The following DMPK variants were observed in gnomAD, a reference collection of about 807,000 sequenced individuals.
DMPK encodes myotonin-protein kinase.
A neutral mutation model predicts 70.3 loss-of-function variants in DMPK; 32 were observed. The observed-to-expected ratio is 0.46, with a 90% CI of 0.34 to 0.61. The LOEUF (loss-of-function observed/expected upper bound fraction) is 0.61. DMPK is among the 20% of genes least tolerant of loss of function. The pLI, the probability that DMPK is intolerant of heterozygous loss-of-function variation, is 0.01. For missense variants in DMPK, 899 were observed against 886.0 expected (o/e 1.01, Z -0.19); for synonymous variants, 469 against 390.9 (o/e 1.20, Z -2.36).
chr19:45,778,037 C>T (rs1969878734), intron 6 of DMPK, 90 bp downstream of exon 6: 5 of 1,295,752 alleles, frequency 3.9e-6, no homozygotes, highest in Admixed American at 4.0e-5. Context: ...CACCTCTTTT[C>T]CCCTCCAAAT....
intron 8 of DMPK, chr19:45,776,979 G>C (rs924125087): frequency 2.3e-5 from 6 of 255,826 alleles, no homozygotes; most frequent in Admixed American, 4.8e-5. Flanking sequence ...TAAGGGAGGA[G>C]GAGTCCTCTC....
chr19:45,779,593 CCCGCTTCTG>C (rs1970001659), intron 2 of DMPK, 71 bp from the exon 3 acceptor site: 1 of 1,594,346 alleles, frequency 6.3e-7, no homozygotes, highest in African/African-American at 1.3e-5. Flanking sequence ...CCCAACTCCA[CCCGCTTCTG>C]CACCCAGCCG....
At position 45,777,279 on chromosome 19, in the gene DMPK, G is replaced by A; in HGVS notation, c.1146+48C>T. 4 of 1,509,228 alleles carry A rather than the reference G, an allele frequency of 2.7e-6. No homozygotes were observed. The highest frequency in any genetic ancestry group is 2.7e-6 in the Non-Finnish European group (3 of 1,130,848). The allele number at this position is 1,509,228 out of a possible 1,614,324, so 93.5% of individuals were successfully genotyped here. A position where few individuals can be genotyped will look rare whatever the true frequency, so the allele number is the denominator to read the frequency against. On this transcript the variant is annotated intron_variant, in intron 8 of 14. Coordinates refer to ENST00000291270, the MANE Select transcript of DMPK (RefSeq NM_004409.5). The surrounding 1 kb of genome is among the most constrained non-coding windows in gnomAD (Gnocchi z 6.7). Reference sequence around the variant, plus strand: ...CTGTCCTTACTCCAACTTTATGGAGGGAGCATGGGGAGGTTCCCGCAGCCG... The same window carrying A: ...CTGTCCTTACTCCAACTTTATGGAGAGAGCATGGGGAGGTTCCCGCAGCCG...
rs756437038 is a variant in DMPK at position 45,777,338 on chromosome 19, T to A, written c.1135A>T (p.Ser379Cys). ...CCACAGGTACCTACCCCGCCCCCGC[T>A]CACCATGGCAGTGAGCCCGTCCTCC... is the stretch of plus-strand genomic sequence containing the variant. ...LVEDGLTAMVSGGGETLSDIR... is the reference protein window; with the variant it reads ...LVEDGLTAMVCGGGETLSDIR... Residue 379 changes from serine (S) to cysteine (C), a missense_variant, in exon 8 of 15, where the codon AGC becomes TGC. Coordinates refer to ENST00000291270, the MANE Select transcript of DMPK (RefSeq NM_004409.5). This position sits in a 1 kb window ranked among gnomAD's most constrained non-coding sequence, Gnocchi z 6.7. The A allele has an allele frequency of 6.3e-7, 1 of 1,577,460 alleles. No individual in the cohort carries two copies. Among genetic ancestry groups the A allele is most frequent in the South Asian group, 1.2e-5 (1 of 86,062 alleles).
rs182565629 is a variant in DMPK, at chr19:45,770,530, G to A, written c.1848C>T (p.Leu616=). ...CTCCTGGGCGGCGCCAGACTGCGGTGAGTTGGCCGGCGTGGGCCACCAACC... is the reference window on the plus strand; with the variant it reads ...CTCCTGGGCGGCGCCAGACTGCGGTAAGTTGGCCGGCGTGGGCCACCAACC... ...CIGLVAHAGQ[L]TAVWRRPGAA... Residue 616 remains leucine, a synonymous_variant, in exon 15 of 15, where the codon CTC becomes CTT. Coordinates refer to ENST00000291270, the MANE Select transcript of DMPK (RefSeq NM_004409.5). 5.6e-4 allele frequency: 864 copies of A among 1,550,658 alleles called. 6 individuals carry two copies. The African/African-American group carries it at 0.01, about 18-fold the overall frequency.
Position 45,779,421 on chromosome 19 carries a change from G to C in DMPK, c.336+18C>G, listed in dbSNP as rs529192626. On this transcript the variant is annotated intron_variant, in intron 3 of 14. Coordinates refer to ENST00000291270, the MANE Select transcript of DMPK (RefSeq NM_004409.5). Reference sequence around the variant, plus strand: ...GGCGCGGATCCTCAAAGCCCCCCACGTCCGCCCAGCCCCTCACCTCGCCCC... The same window carrying C: ...GGCGCGGATCCTCAAAGCCCCCCACCTCCGCCCAGCCCCTCACCTCGCCCC... The C allele has an allele frequency of 7.4e-6, 12 of 1,613,782 alleles. No individual in the cohort carries two copies. Among genetic ancestry groups the C allele is most frequent in the South Asian group, 1.1e-5 (1 of 91,078 alleles).
Position 45,769,879 on chromosome 19 carries a change from CAATA to C in DMPK, c.*605_*608del, listed in dbSNP as rs1379823541. 2 of 263,178 alleles carry C rather than the reference CAATA, an allele frequency of 7.6e-6. No individual in the cohort carries two copies. The highest frequency in any genetic ancestry group is 4.7e-5 in the African/African-American group (2 of 43,000). The allele number at this position is 263,178 out of a possible 1,614,324, so 16.3% of individuals were successfully genotyped here. A position where few individuals can be genotyped will look rare whatever the true frequency, so the allele number is the denominator to read the frequency against. On this transcript the variant is annotated 3_prime_UTR_variant, in exon 15 of 15. Coordinates refer to ENST00000291270, the MANE Select transcript of DMPK (RefSeq NM_004409.5). ...CTGTCAGCGAGTCGGAGGACGAGGT[CAATA>C]AATATCCAAACCGCCGAAGCGGGCG...
Position 45,770,968 on chromosome 19 carries a change from T to C in DMPK, c.1737+3A>G. ...GGAGGGGGGCGTGGGCAGCCGGACG[T>C]ACCCTGGCAGGGAGCAGCAGGTGGC... On this transcript the variant is annotated splice_donor_region_variant and intron_variant, in intron 14 of 14. Transcript: ENST00000291270. 7.0e-7 allele frequency: 1 copy of C among 1,423,252 alleles called. No individual in the cohort carries two copies. Among genetic ancestry groups the C allele is most frequent in the Non-Finnish European group, 9.1e-7 (1 of 1,093,866 alleles). 88.2% of individuals were successfully genotyped at this position (1,423,252 alleles called of 1,614,324 possible). A position where few individuals can be genotyped will look rare whatever the true frequency, so the allele number is the denominator to read the frequency against.
chr19:45,777,515 GA>G lies in DMPK; in HGVS notation c.957del (p.Pro321ArgfsTer58). 1.2e-6 allele frequency: 2 copies of G among 1,613,584 alleles called. No individual in the cohort carries two copies. Among genetic ancestry groups the G allele is most frequent in the Non-Finnish European group, 1.7e-6 (2 of 1,180,036 alleles). On this transcript the variant is annotated frameshift_variant, in exon 8 of 15. Coordinates refer to ENST00000291270, the MANE Select transcript of DMPK (RefSeq NM_004409.5). LOFTEE classifies it high-confidence loss of function. This position sits in a 1 kb window ranked among gnomAD's most constrained non-coding sequence, Gnocchi z 6.7. ...CCCCGGCCCAGCCGTGTCTCCGGGG[GA>G]CACAGCAACCGCTGAATGAAGTCTC... The part of the protein sequence containing the change: ...EARDFIQRLL[C>X]PPETRLGRGG...
chr19:45,770,396 G>A lies in DMPK; in HGVS notation c.*92C>T. 1 of 1,466,384 alleles carries A rather than the reference G, an allele frequency of 6.8e-7. No individual in the cohort carries two copies. Among genetic ancestry groups the A allele is most frequent in the Non-Finnish European group, 9.3e-7 (1 of 1,072,888 alleles). The allele number at this position is 1,466,384 out of a possible 1,614,324, so 90.8% of individuals were successfully genotyped here. ...GCGGAGACCCACGCTCGGAGCGGTT[G>A]TGAACTGGCAGGCGGTGGGCGCGGC... is the stretch of plus-strand genomic sequence containing the variant. On this transcript the variant is annotated 3_prime_UTR_variant, in exon 15 of 15. Coordinates refer to ENST00000291270, the MANE Select transcript of DMPK (RefSeq NM_004409.5).
chr19:45,779,448 C>T lies in DMPK; in HGVS notation c.327G>A (p.Lys109=), dbSNP rs947460859. The change falls in exon 3 of 15, where the codon AAG becomes AAA. Residue 109 remains lysine (K), a synonymous_variant. Coordinates refer to ENST00000291270, the MANE Select transcript of DMPK (RefSeq NM_004409.5). ...MKIMNKWDML[K]RGEVSCFREE... ...CCGCCCAGCCCCTCACCTCGCCCCT[C>T]TTCAGCATGTCCCACTTGTTCATGA... 31 of 1,614,008 alleles carry T rather than the reference C, an allele frequency of 1.9e-5. No homozygotes were observed. Among genetic ancestry groups the T allele is most frequent in the Non-Finnish European group, 2.5e-5 (30 of 1,180,034 alleles).
intron 9 of DMPK, 33 bp from the exon 10 acceptor site, chr19:45,772,785 C>G (rs761832870): frequency 3.9e-6 from 5 of 1,293,580 alleles, no homozygotes; most frequent in Admixed American, 6.6e-5. Flanking sequence ...GGGAGGGAGA[C>G]AGAATGCTGA....
Position 45,782,270 on chromosome 19 carries a change from A to T in DMPK, c.83T>A (p.Leu28His). The T allele has an allele frequency of 6.2e-7, 1 of 1,606,674 alleles. No homozygotes were observed. The highest frequency in any genetic ancestry group is 2.2e-5 in the East Asian group (1 of 44,568). Residue 28 changes from leucine (L) to histidine (H), a missense_variant, in exon 1 of 15, where the codon CTT becomes CAT. Coordinates refer to ENST00000291270, the MANE Select transcript of DMPK (RefSeq NM_004409.5). ...GFLGLEPLLD[L>H]LLGVHQELGA... ...CAGCTCCTGGTGGACGCCCAGGAGA[A>T]GGTCGAGCAGGGGCTCCAGCCCCAG... is the stretch of plus-strand genomic sequence containing the variant.
At chr19:45,779,175 C>A in intron 4 of DMPK, 89 bp downstream of exon 4, 1 of 1,381,748 alleles carries the variant, frequency 7.2e-7, no homozygotes, top group Middle Eastern at 2.0e-4. Flanking sequence ...GCAGCACCCC[C>A]AATCCTAGAG....
intron 8 of DMPK, among the ~76,000 whole-genome samples, chr19:45,776,325 A>G (rs74965490): frequency 1.4e-4 from 7 of 49,402 alleles, no homozygotes; most frequent in Admixed American, 3.2e-4. Context: ...TTGTATTTTT[A>G]GGAGAGATGG....
chr19:45,779,666 G>C (rs374693463), intron 2 of DMPK, 112 bp downstream of exon 2: 2 of 1,549,798 alleles, frequency 1.3e-6, no homozygotes, highest in Non-Finnish European at 1.7e-6. Flanking sequence ...CCCGCCTCCA[G>C]CCCAGCCCTA....
chr19:45,779,223 G>A (rs1336184033), intron 4 of DMPK, 41 bp downstream of exon 4: 12 of 1,588,198 alleles, frequency 7.6e-6, no homozygotes, highest in Non-Finnish European at 1.0e-5. Flanking sequence ...GACAGCACGG[G>A]CTCTTGTCCC....
chr19:45,771,244 A>G, intron 13 of DMPK, 106 bp downstream of exon 13: 1 of 1,451,156 alleles, frequency 6.9e-7, no homozygotes, highest in South Asian at 1.3e-5. Flanking sequence ...CTAAAGTCGC[A>G]AAGACGTAGG....
In DMPK at chr19:45,782,387, C is replaced by CG. The variant is rs761241092; in HGVS notation, c.-36dup. 4.0e-6 allele frequency: 6 copies of CG among 1,511,508 alleles called. No individual in the cohort carries two copies. In the African/African-American group the frequency reaches 7.0e-5, roughly 18 times the overall value. 93.6% of individuals were successfully genotyped at this position (1,511,508 alleles called of 1,614,324 possible). A position where few individuals can be genotyped will look rare whatever the true frequency, so the allele number is the denominator to read the frequency against. On this transcript the variant is annotated 5_prime_UTR_variant, in exon 1 of 15. Transcript: ENST00000291270. ...GCAGCACCATGGCCCCTCCCCGGGC[C>CG]GGGGGCTCGGGGTCCTCCTGTCACA...
Sources: gnomAD v4.1 joint callset for allele counts (sites outside exome capture counted in the v4.1 genomes callset) on GRCh38, gnomAD v4.1.1 for gene constraint, Gnocchi (gnomAD v3.1) non-coding constraint, MANE v1.5 for transcripts, NCBI Gene and HGNC (gene_info 2026-07-23, HGNC 2026-07-21) for gene names.